The following ST6GALNAC6 variants were observed in gnomAD, a reference collection of about 807,000 sequenced individuals.
ST6GALNAC6 encodes ST6 N-acetylgalactosaminide alpha-2,6-sialyltransferase 6, also known as alpha-N-acetylgalactosaminide alpha-2,6-sialyltransferase 6.
Under a neutral mutation model 34.3 loss-of-function variants are expected in ST6GALNAC6, and 19 were observed. The ratio of observed to expected loss-of-function variants is 0.55; its 90% CI spans 0.39 to 0.81. The LOEUF (loss-of-function observed/expected upper bound fraction) is 0.81. Ranked by LOEUF, ST6GALNAC6 falls within the 40% of genes least tolerant of loss-of-function variation. The pLI, the probability that ST6GALNAC6 is intolerant of heterozygous loss-of-function variation, is 0.00. For missense variants in ST6GALNAC6, 377 were observed against 467.7 expected (o/e 0.81, Z 1.79); for synonymous variants, 185 against 182.1 (o/e 1.02, Z -0.13).
chr9:127,903,591 T>C (rs1830833066), upstream of ST6GALNAC6: 1 of 151,778 alleles, frequency 6.6e-6, no homozygotes, highest in South Asian at 2.1e-4. Flanking sequence ...AGGGAGGGGG[T>C]GGCCCGCAAG....
Position 127,886,752 on chromosome 9 carries a change from G to A in ST6GALNAC6, c.849C>T (p.Tyr283=). 6.2e-7 allele frequency: 1 copy of A among 1,612,806 alleles called. No homozygotes were observed. The highest frequency in any genetic ancestry group is 8.5e-7 in the Non-Finnish European group (1 of 1,179,072). Residue 283 remains tyrosine, a synonymous_variant, in exon 7 of 7, where the codon TAC becomes TAT. Transcript: ENST00000373146. ...ATTCGTCCGGCCCCTTGGGCTCGTA[G>A]TAGTGGTAGGGCATGCGCTGGAGGC... is the stretch of plus-strand genomic sequence containing the variant. The part of the protein sequence containing the change: ...RPRLQRMPYH[Y]YEPKGPDECV...
At chr9:127,897,801 C>G in intron 2 of ST6GALNAC6, 155 bp downstream of exon 2, 1 of 1,515,906 alleles carries the variant, frequency 6.6e-7, no homozygotes, top group Non-Finnish European at 8.8e-7. Context: ...TGCGGATGCC[C>G]CCTGCCCGCC....
rs764212241 is a variant in ST6GALNAC6 at position 127,890,862 on chromosome 9, C to G, written c.479G>C (p.Ser160Thr). The G allele has an allele frequency of 6.2e-7, 1 of 1,614,220 alleles. No homozygotes were observed. The highest frequency in any genetic ancestry group is 8.5e-7 in the Non-Finnish European group (1 of 1,180,050). Residue 160 changes from serine (S) to threonine (T), a missense_variant, in exon 5 of 7, where the codon AGT becomes ACT. Coordinates refer to ENST00000373146, the MANE Select transcript of ST6GALNAC6 (RefSeq NM_013443.5). The surrounding 1 kb of genome is among the most constrained non-coding windows in gnomAD (Gnocchi z 4.3). ...KTTYRVVAHS[S>T]VFRVLRRPQE... Reference sequence around the variant, plus strand: ...GGGCCTCCTCAGCACGCGGAACACACTGGAATGGGCCACGACGCGGTAGGT... The same window carrying G: ...GGGCCTCCTCAGCACGCGGAACACAGTGGAATGGGCCACGACGCGGTAGGT...
Position 127,894,701 on chromosome 9 carries a change from G to A in ST6GALNAC6, c.118-10C>T. 1 of 1,611,242 alleles carries A rather than the reference G, an allele frequency of 6.2e-7. No individual in the cohort carries two copies. Among genetic ancestry groups the A allele is most frequent in the South Asian group, 1.1e-5 (1 of 90,948 alleles). ...CTGCTGACCGCTGCTCCTGGAGAGA[G>A]GAGAGGTCAGTGAGGGCCCAGCTGC... On this transcript the variant is annotated splice_polypyrimidine_tract_variant and intron_variant, in intron 3 of 6. Transcript: ENST00000373146.
chr9:127,899,684 C>A (rs1328182462), upstream of ST6GALNAC6: 33 of 983,486 alleles, frequency 3.4e-5, no homozygotes, highest in Non-Finnish European at 4.0e-5. Context: ...GCCTCGGGGC[C>A]GCGGGTGGCT....
upstream of ST6GALNAC6, among the ~76,000 whole-genome samples, chr9:127,901,779 C>A (rs1240266050): frequency 6.6e-6 from 1 of 151,736 alleles, no homozygotes; most frequent in Admixed American, 6.6e-5. Context: ...TAAAAAAATA[C>A]AAAATTAGCC....
At position 127,899,541 on chromosome 9, in the gene ST6GALNAC6, C is replaced by T. The variant is rs922543705; in HGVS notation, c.-68G>A. On this transcript the variant is annotated 5_prime_UTR_variant, in exon 1 of 7. Coordinates refer to ENST00000373146, the MANE Select transcript of ST6GALNAC6 (RefSeq NM_013443.5). ...CGCCCGGCCCCCCGCGGCCCCCGAG[C>T]CCCCTCACATGGCGCCGGGAGCCGA... The T allele has an allele frequency of 1.0e-6, 1 of 981,068 alleles. No homozygotes were observed. The highest frequency in any genetic ancestry group is 1.2e-6 in the Non-Finnish European group (1 of 828,172). 60.8% of individuals were successfully genotyped at this position (981,068 alleles called of 1,614,324 possible).
At chr9:127,900,954 A>C (rs1442959766), upstream of ST6GALNAC6, among the ~76,000 whole-genome samples, 1 of 129,630 alleles carries the variant, frequency 7.7e-6, no homozygotes, top group Non-Finnish European at 1.5e-5. Context: ...ATTGCACTCC[A>C]GCCTCCAGCC....
At position 127,886,609 on chromosome 9, in the gene ST6GALNAC6, G is replaced by GT; in HGVS notation, c.991_992insA (p.Ser331TyrfsTer25). The GT allele has an allele frequency of 6.2e-7, 1 of 1,614,002 alleles. No homozygotes were observed. Among genetic ancestry groups the GT allele is most frequent in the Non-Finnish European group, 8.5e-7 (1 of 1,179,990 alleles). On this transcript the variant is annotated frameshift_variant, in exon 7 of 7. Coordinates refer to ENST00000373146, the MANE Select transcript of ST6GALNAC6 (RefSeq NM_013443.5). LOFTEE classifies it high-confidence loss of function. ...CACAGGCTGGGTGGCCTAGGTCCAG[G>GT]AGGGGTGGGAGAAGGTGATGCCATA...
Position 127,886,554 on chromosome 9 carries a change from G to A in ST6GALNAC6, c.*45C>T. 1.2e-6 allele frequency: 2 copies of A among 1,607,094 alleles called. No individual in the cohort carries two copies. The highest frequency in any genetic ancestry group is 1.7e-6 in the Non-Finnish European group (2 of 1,176,278). On this transcript the variant is annotated 3_prime_UTR_variant, in exon 7 of 7. Transcript: ENST00000373146. Reference sequence around the variant, plus strand: ...TCCCTGGCCTAGCGGCTGGGCGGAGGCTGCTTCTCCTCTGACCCTCCTGAG... The same window carrying A: ...TCCCTGGCCTAGCGGCTGGGCGGAGACTGCTTCTCCTCTGACCCTCCTGAG...
At chr9:127,889,356 A>G (rs1829996061) in intron 5 of ST6GALNAC6, among the ~76,000 whole-genome samples, 1 of 152,120 alleles carries the variant, frequency 6.6e-6, no homozygotes. Context: ...CAAAAAAAAA[A>G]AAAAAAAATC....
chr9:127,897,871 C>T (rs768147656), intron 2 of ST6GALNAC6, 85 bp downstream of exon 2: 25 of 1,601,974 alleles, frequency 1.6e-5, no homozygotes, highest in South Asian at 1.0e-4. Context: ...TCCCCCTGGT[C>T]CGCCCCGTCA....
At chr9:127,896,359 T>C in intron 2 of ST6GALNAC6, 27 bp from the exon 3 acceptor site, 1 of 1,590,354 alleles carries the variant, frequency 6.3e-7, no homozygotes, top group Non-Finnish European at 8.6e-7. Flanking sequence ...AGGGTTATTA[T>C]GGCTTCGGTC....
rs1422661681 is a variant in ST6GALNAC6 at position 127,896,264 on chromosome 9, C to A, written c.95G>T (p.Arg32Leu). The change falls in exon 3 of 7, where the codon CGG (arginine) becomes CTG (leucine). Residue 32 changes from arginine (R) to leucine (L), a missense_variant. Transcript: ENST00000373146. The part of the protein sequence containing the change: ...GRRHLPLSRR[R>L]REMSSNKEQR... Reference sequence around the variant, plus strand: ...TACTTTGTTGCTACTCATTTCTCTCCGGCGTCTGCTGAGGGGTAGGTGTCG... The same window carrying A: ...TACTTTGTTGCTACTCATTTCTCTCAGGCGTCTGCTGAGGGGTAGGTGTCG... The A allele has an allele frequency of 6.2e-7, 1 of 1,614,112 alleles. No individual in the cohort carries two copies. Among genetic ancestry groups the A allele is most frequent in the East Asian group, 2.2e-5 (1 of 44,876 alleles).
chr9:127,898,975 G>A (rs558434917), intron 1 of ST6GALNAC6, among the ~76,000 whole-genome samples: 2 of 152,352 alleles, frequency 1.3e-5, no homozygotes, highest in South Asian at 4.1e-4. Context: ...CGAGCTGAGC[G>A]GGAGCCGAGG....
At chr9:127,905,339 AC>A, upstream of ST6GALNAC6, 1 of 985,554 alleles carries the variant, frequency 1.0e-6, no homozygotes, top group African/African-American at 1.7e-5. Context: ...GGAGGAAGTG[AC>A]TGACGCATCA....
At position 127,899,488 on chromosome 9, in the gene ST6GALNAC6, G is replaced by A; in HGVS notation, c.-30+15C>T. Reference sequence around the variant, plus strand: ...CCCCGCCCCCGCGGCCTGCTCCCGCGCGGCGCCTGCTCACCTCCGGCGGGG... The same window carrying A: ...CCCCGCCCCCGCGGCCTGCTCCCGCACGGCGCCTGCTCACCTCCGGCGGGG... On this transcript the variant is annotated intron_variant, in intron 1 of 6. Coordinates refer to ENST00000373146, the MANE Select transcript of ST6GALNAC6 (RefSeq NM_013443.5). The A allele has an allele frequency of 3.1e-6, 3 of 959,582 alleles. No individual in the cohort carries two copies. Among genetic ancestry groups the A allele is most frequent in the Non-Finnish European group, 2.5e-6 (2 of 808,042 alleles). The allele number at this position is 959,582 out of a possible 1,614,324, so 59.4% of individuals were successfully genotyped here. A position where few individuals can be genotyped will look rare whatever the true frequency, so the allele number is the denominator to read the frequency against.
rs1452163078 is a variant in ST6GALNAC6 at position 127,886,318 on chromosome 9, C to T, written c.*281G>A. ...ATGGGAAAGGACATGTCCTTAGCCT[C>T]AGATTGACTCAGAAATACCCCCTCT... On this transcript the variant is annotated 3_prime_UTR_variant, in exon 7 of 7. Transcript: ENST00000373146. 1.2e-6 allele frequency: 1 copy of T among 835,214 alleles called. No homozygotes were observed. The highest frequency in any genetic ancestry group is 1.7e-6 in the Non-Finnish European group (1 of 577,940). 51.7% of individuals were successfully genotyped at this position (835,214 alleles called of 1,614,324 possible).
rs139501224 is a variant in ST6GALNAC6 at position 127,894,573 on chromosome 9, C to G, written c.236G>C (p.Arg79Pro). 3.5e-4 allele frequency: 566 copies of G among 1,614,120 alleles called. 1 individual carries two copies. Among genetic ancestry groups the G allele is most frequent in the Non-Finnish European group, 9.2e-5 (109 of 1,180,022 alleles). Residue 79 changes from arginine (R) to proline (P), a missense_variant, in exon 4 of 7, where the codon CGA becomes CCA. Coordinates refer to ENST00000373146, the MANE Select transcript of ST6GALNAC6 (RefSeq NM_013443.5). ...HYGSLRGRSR[R>P]PVNLKKWSIT... Reference sequence around the variant, plus strand: ...GCTCCACTTCTTGAGGTTGACAGGTCGGCGGCTACGGCCCCGCAGGGAGCC... The same window carrying G: ...GCTCCACTTCTTGAGGTTGACAGGTGGGCGGCTACGGCCCCGCAGGGAGCC...
Sources: allele counts gnomAD v4.1 joint callset (sites outside exome capture counted in the v4.1 genomes callset), GRCh38; gene constraint gnomAD v4.1.1; non-coding constraint Gnocchi (gnomAD v3.1); transcripts MANE v1.5; gene names NCBI Gene and HGNC (gene_info 2026-07-23, HGNC 2026-07-21).